The following LYZL2 variants were observed in gnomAD, a reference collection of about 807,000 sequenced individuals.
The protein encoded by LYZL2 is lysozyme like 2.
Under a neutral mutation model 17.1 loss-of-function variants are expected in LYZL2, and 13 were observed. The ratio of observed to expected loss-of-function variants is 0.76; its 90% CI spans 0.49 to 1.21. The LOEUF is 1.21. Among genes scored for constraint, LYZL2 ranks in the 50% most tolerant of loss-of-function variants. LYZL2 has a pLI of 0.00. For missense variants in LYZL2, 166 were observed against 189.2 expected (o/e 0.88, Z 0.72); for synonymous variants, 63 against 74.4 (o/e 0.85, Z 0.79).
chr10:30,613,499 G>GAAA (rs34156491), intron 3 of LYZL2, among the ~76,000 whole-genome samples: 32,913 of 125,410 alleles, frequency 0.26, 3,951 homozygotes, highest in South Asian at 0.4. Context: ...TCTGTCTTAA[G>GAAA]AAAAAAAAAA....
At chr10:30,617,885 A>T (rs950887505) in intron 3 of LYZL2, among the ~76,000 whole-genome samples, 5 of 151,892 alleles carry the variant, frequency 3.3e-5, no homozygotes, top group Non-Finnish European at 5.9e-5. Context: ...AAGTCAAATT[A>T]TCCCTGTTTG....
At position 30,611,913 on chromosome 10, in the gene LYZL2, C is replaced by T. The variant is rs1054574; in HGVS notation, c.*42G>A. 7.2e-5 allele frequency: 116 copies of T among 1,614,012 alleles called. No individual in the cohort carries two copies. The South Asian group carries it at 7.5e-4, about 10-fold the overall frequency. On this transcript the variant is annotated 3_prime_UTR_variant, in exon 5 of 5. Coordinates refer to ENST00000647634, the MANE Select transcript of LYZL2 (RefSeq NM_183058.3). ...CAGGCATTTGGACATTCACTGCAAA[C>T]CCTAGGGCGTTGCTGCAAAGCATCC...
intron 1 of LYZL2, among the ~76,000 whole-genome samples, chr10:30,629,224 T>C (rs1838767552): frequency 6.6e-6 from 1 of 152,052 alleles, no homozygotes; most frequent in Non-Finnish European, 1.5e-5. Flanking sequence ...TAGACCTCTG[T>C]CACTACAAAA....
At chr10:30,617,424 C>T (rs1014232952) in intron 3 of LYZL2, among the ~76,000 whole-genome samples, 2 of 151,902 alleles carry the variant, frequency 1.3e-5, no homozygotes, top group African/African-American at 4.8e-5. Context: ...ACCTGTAATC[C>T]CAGCACTTCA....
At chr10:30,623,846 A>C (rs1838661706) in intron 3 of LYZL2, among the ~76,000 whole-genome samples, 1 of 152,190 alleles carries the variant, frequency 6.6e-6, no homozygotes, top group Admixed American at 6.5e-5. Context: ...CCCCTCGTCC[A>C]CGGAAAATTT....
rs1838449646 is a variant in LYZL2, at chr10:30,611,836, T to G, written c.*119A>C. The G allele has an allele frequency of 6.5e-7, 1 of 1,550,060 alleles. No individual in the cohort carries two copies. Among genetic ancestry groups the G allele is most frequent in the South Asian group, 1.2e-5 (1 of 82,392 alleles). On this transcript the variant is annotated 3_prime_UTR_variant, in exon 5 of 5. Coordinates refer to ENST00000647634, the MANE Select transcript of LYZL2 (RefSeq NM_183058.3). ...TTTTCTTAAAAGTATAGCTTAATTTTCCCTCTCCAAGTTTGAGAAGGAATA... is the reference window on the plus strand; with the variant it reads ...TTTTCTTAAAAGTATAGCTTAATTTGCCCTCTCCAAGTTTGAGAAGGAATA...
chr10:30,624,177 C>T (rs570575579), intron 3 of LYZL2, among the ~76,000 whole-genome samples: 1 of 152,300 alleles, frequency 6.6e-6, no homozygotes, highest in Admixed American at 6.5e-5. Context: ...CCCTTCTCCA[C>T]CATGCTCTGT....
rs376562545 is a variant in LYZL2 at position 30,611,905 on chromosome 10, A to C, written c.*50T>G. 7 of 1,612,932 alleles carry C rather than the reference A, an allele frequency of 4.3e-6. No individual in the cohort carries two copies. In the African/African-American group the frequency reaches 6.7e-5, roughly 15 times the overall value. The stretch of plus-strand genomic sequence containing the variant: ...AGATGACACAGGCATTTGGACATTC[A>C]CTGCAAACCCTAGGGCGTTGCTGCA... On this transcript the variant is annotated 3_prime_UTR_variant, in exon 5 of 5. Coordinates refer to ENST00000647634, the MANE Select transcript of LYZL2 (RefSeq NM_183058.3).
chr10:30,628,039 A>G (rs891324389), intron 1 of LYZL2, among the ~76,000 whole-genome samples: 41 of 152,280 alleles, frequency 2.7e-4, no homozygotes, highest in African/African-American at 9.4e-4. Context: ...ATGTGTCTGT[A>G]GTCCCAGCTG....
At chr10:30,628,179 G>A (rs1472479689) in intron 1 of LYZL2, among the ~76,000 whole-genome samples, 6 of 152,084 alleles carry the variant, frequency 3.9e-5, no homozygotes, top group East Asian at 1.9e-4. Context: ...AAGATTCATC[G>A]TTTGGGGGTT....
downstream of LYZL2, among the ~76,000 whole-genome samples, chr10:30,610,198 C>T (rs1352259417): frequency 6.6e-6 from 1 of 151,952 alleles, no homozygotes; most frequent in Non-Finnish European, 1.5e-5. Flanking sequence ...ACATTTAAAG[C>T]CATCTGGGCT....
chr10:30,625,457 C>T (rs1294643186), intron 3 of LYZL2, among the ~76,000 whole-genome samples: 1 of 152,042 alleles, frequency 6.6e-6, no homozygotes. Flanking sequence ...CAGACAGTCA[C>T]CTTAGGCCAG....
intron 3 of LYZL2, among the ~76,000 whole-genome samples, chr10:30,616,271 A>C (rs958944801): frequency 1.3e-5 from 2 of 152,266 alleles, no homozygotes; most frequent in Admixed American, 6.5e-5. Context: ...TCTATTAACC[A>C]GGAGAAAAAG....
chr10:30,606,994 T>C (rs536165474), downstream of LYZL2, among the ~76,000 whole-genome samples: 4 of 151,124 alleles, frequency 2.6e-5, no homozygotes, highest in East Asian at 7.8e-4. Flanking sequence ...GCTTGCTGCC[T>C]CCACCTCCTG....
intron 1 of LYZL2, among the ~76,000 whole-genome samples, chr10:30,629,219 C>T (rs982900034): frequency 1.3e-5 from 2 of 152,092 alleles, no homozygotes; most frequent in African/African-American, 4.8e-5. Flanking sequence ...AAAGGTAGAC[C>T]TCTGTCACTA....
At chr10:30,611,367 C>T (rs1287089713), downstream of LYZL2, among the ~76,000 whole-genome samples, 3 of 151,478 alleles carry the variant, frequency 2.0e-5, no homozygotes, top group Non-Finnish European at 4.4e-5. Flanking sequence ...GGTGTGGTGG[C>T]ACATGCCTGC....
chr10:30,608,521 G>T (rs1010838738), downstream of LYZL2, among the ~76,000 whole-genome samples: 37 of 152,134 alleles, frequency 2.4e-4, no homozygotes, highest in African/African-American at 7.7e-4. Flanking sequence ...AAGGGCTCAG[G>T]TACTTCCTGT....
At chr10:30,629,561 A>T (rs1468486217) in intron 1 of LYZL2, 32 bp downstream of exon 1, 3 of 1,609,074 alleles carry the variant, frequency 1.9e-6, no homozygotes. Context: ...TCTCAGGGAC[A>T]GGTGGCTTCA....
rs1717059782 is a variant in LYZL2, at chr10:30,611,933, G to T, written c.*22C>A. On this transcript the variant is annotated 3_prime_UTR_variant, in exon 5 of 5. Coordinates refer to ENST00000647634, the MANE Select transcript of LYZL2 (RefSeq NM_183058.3). ...GCAAACCCTAGGGCGTTGCTGCAAA[G>T]CATCCTGGGTCCAGTTCCAGTTTAG... 6.2e-7 allele frequency: 1 copy of T among 1,614,190 alleles called. No individual in the cohort carries two copies. The highest frequency in any genetic ancestry group is 8.5e-7 in the Non-Finnish European group (1 of 1,180,026).
Sources: gnomAD v4.1 joint callset for allele counts (sites outside exome capture counted in the v4.1 genomes callset) on GRCh38, gnomAD v4.1.1 for gene constraint, MANE v1.5 for transcripts, NCBI Gene and HGNC (gene_info 2026-07-23, HGNC 2026-07-21) for gene names.